C2CD2: variants seen among roughly 807,000 people sequenced by gnomAD.
C2CD2 encodes C2 calcium dependent domain containing 2.
C2CD2 carries 43 observed loss-of-function variants against 74.3 expected under a neutral mutation model. That is an observed-to-expected ratio of 0.58 (90% CI 0.45 to 0.75). The LOEUF is 0.75. Ranked by LOEUF, C2CD2 falls within the 30% of genes least tolerant of loss-of-function variation. The probability of loss-of-function intolerance (pLI) is 0.00; values close to 1 mark genes in which losing one functional copy is unlikely to be tolerated. For missense variants in C2CD2, 801 were observed against 916.3 expected, an observed-to-expected ratio of 0.87 and a Z score of 1.63; for synonymous variants, 422 against 390.7, an observed-to-expected ratio of 1.08 and a Z score of -0.94.
chr21:41,894,890 A>G (rs1409067853), intron 13 of C2CD2: 1 of 456,652 alleles, frequency 2.2e-6, no homozygotes, highest in Non-Finnish European at 4.4e-6. Flanking sequence ...AGACAGGAGC[A>G]CACTCTTGTC....
chr21:41,940,982 TATAATG>T (rs1373632184), intron 2 of C2CD2, among the ~76,000 whole-genome samples: 1 of 151,838 alleles, frequency 6.6e-6, no homozygotes, highest in African/African-American at 2.4e-5. Context: ...GTAAGAAATA[TATAATG>T]ATAATAATAA....
intron 1 of C2CD2, among the ~76,000 whole-genome samples, chr21:41,943,339 C>T (rs537800170): frequency 6.6e-6 from 1 of 152,182 alleles, no homozygotes; most frequent in South Asian, 2.1e-4. Flanking sequence ...ATTAAATGAA[C>T]AGGACCACAA....
At chr21:41,890,622 T>G (rs1334155185) in intron 13 of C2CD2, among the ~76,000 whole-genome samples, 4 of 152,236 alleles carry the variant, frequency 2.6e-5, no homozygotes, top group Non-Finnish European at 5.9e-5. Context: ...GAAGAGGAGC[T>G]TTATACCTAA....
intron 8 of C2CD2, 84 bp from the exon 9 acceptor site, chr21:41,907,868 C>T: frequency 7.0e-7 from 1 of 1,429,662 alleles, no homozygotes; most frequent in Non-Finnish European, 9.8e-7. Context: ...CGCCCAGCAG[C>T]CGGAACACGC....
At chr21:41,901,484 G>T (rs996226362) in intron 12 of C2CD2, 138 bp downstream of exon 12, 1 of 878,030 alleles carries the variant, frequency 1.1e-6, no homozygotes. Context: ...TGTGGGGTGA[G>T]GAACATAATT....
In C2CD2 at chr21:41,918,195, G is replaced by A. The variant is rs375656010; in HGVS notation, c.630C>T (p.Asp210=). ...AATGCTTCAAGATGTCCTTGAGAAC[G>A]TCAGACATCGCACTTGTCTCAGCCA... The part of the protein sequence containing the change: ...DQVAETSAMS[D]VLKDILKHLA... Residue 210 remains aspartate (D), a synonymous_variant, in exon 5 of 14, where the codon GAC becomes GAT. Transcript: ENST00000380486. 3.4e-5 allele frequency: 55 copies of A among 1,613,880 alleles called. No homozygotes were observed. The highest frequency in any genetic ancestry group is 1.2e-4 in the Admixed American group (7 of 60,004).
intron 1 of C2CD2, among the ~76,000 whole-genome samples, chr21:41,948,271 C>T (rs1037828308): frequency 5.9e-5 from 9 of 152,166 alleles, no homozygotes; most frequent in African/African-American, 2.2e-4. Flanking sequence ...AGACCAGGGC[C>T]TGCCCCGAGC....
rs147133895 is a variant in C2CD2, at chr21:41,929,221, G to A, written c.379-7136C>T. On this transcript the variant is annotated intron_variant, in intron 2 of 13. Transcript: ENST00000380486. This position sits in a 1 kb window ranked among gnomAD's most constrained non-coding sequence, Gnocchi z 4.6. ...TGAGGTTCACTCTGGCCTCTGCTGC[G>A]TCAGAGCTCCATACCTTGGCCAAGT... Among the ~76,000 whole-genome samples, 17 of 152,298 alleles carry A rather than the reference G, an allele frequency of 1.1e-4. No individual in the cohort carries two copies. Among genetic ancestry groups the A allele is most frequent in the Admixed American group, 4.6e-4 (7 of 15,302 alleles).
intron 7 of C2CD2, among the ~76,000 whole-genome samples, chr21:41,911,312 T>C (rs183365352): frequency 6.6e-6 from 1 of 152,254 alleles, no homozygotes; most frequent in African/African-American, 2.4e-5. Context: ...TGCTGCTAGA[T>C]TCTGTTTGAT....
At chr21:41,951,236 G>A (rs1296586824) in intron 1 of C2CD2, among the ~76,000 whole-genome samples, 3 of 152,314 alleles carry the variant, frequency 2.0e-5, no homozygotes, top group South Asian at 2.1e-4. Flanking sequence ...GGCTCAGGAT[G>A]CCGGGAGGGT....
In C2CD2 at chr21:41,901,719, A is replaced by G. The variant is rs1444589929; in HGVS notation, c.1463T>C (p.Val488Ala). The change falls in exon 12 of 14, where the codon GTG (valine) becomes GCG (alanine). Residue 488 changes from valine (V) to alanine (A), a missense_variant. By Grantham distance (64) the Val-to-Ala change is moderately conservative. Transcript: ENST00000380486. ...ELLVLNGSDPVAEVAIRQLSE... is the reference protein window; with the variant it reads ...ELLVLNGSDPAAEVAIRQLSE... The stretch of plus-strand genomic sequence containing the variant: ...GAGCTGTCGAATGGCCACTTCAGCC[A>G]CTGGATCCGAACCATTCAACACCAA... 3.7e-6 allele frequency: 6 copies of G among 1,614,034 alleles called. No individual in the cohort carries two copies. Among genetic ancestry groups the G allele is most frequent in the Non-Finnish European group, 5.1e-6 (6 of 1,179,854 alleles).
At chr21:41,935,486 C>G (rs2065299371) in intron 2 of C2CD2, among the ~76,000 whole-genome samples, 1 of 152,180 alleles carries the variant, frequency 6.6e-6, no homozygotes, top group Non-Finnish European at 1.5e-5. Flanking sequence ...AGCCTGAGGT[C>G]TGAACTTGCC....
intron 13 of C2CD2, among the ~76,000 whole-genome samples, 200 bp downstream of exon 13, chr21:41,898,853 C>T (rs1284101576): frequency 6.6e-6 from 1 of 152,224 alleles, no homozygotes; most frequent in Non-Finnish European, 1.5e-5. Flanking sequence ...GACGCCAACC[C>T]TCCCACAGAA....
At chr21:41,901,350 C>G (rs923448284) in intron 12 of C2CD2, 1 of 511,940 alleles carries the variant, frequency 2.0e-6, no homozygotes. Flanking sequence ...TCCTCTCTTT[C>G]GATAATTTTT....
Position 41,914,891 on chromosome 21 carries a change from C to T in C2CD2, c.721-170G>A, listed in dbSNP as rs911229546. ...TGCTCTGAAACAATTTCCCTTCTCA[C>T]ATGAAGGGAGGGAGCCAATGAGCCA... On this transcript the variant is annotated intron_variant, in intron 5 of 13. Coordinates refer to ENST00000380486, the MANE Select transcript of C2CD2 (RefSeq NM_015500.2). 5.9e-5 allele frequency among the ~76,000 whole-genome samples: 9 copies of T among 152,258 alleles called. 1 individual carries two copies. The highest frequency in any genetic ancestry group is 3.9e-4 in the East Asian group (2 of 5,174).
intron 3 of C2CD2, among the ~76,000 whole-genome samples, chr21:41,921,754 A>ATG (rs3833358): frequency 0.26 from 39,877 of 151,752 alleles, 5,334 homozygotes; most frequent in Non-Finnish European, 0.29. Flanking sequence ...TTATAAATGT[A>ATG]TGTGTGTGTG....
intron 5 of C2CD2, among the ~76,000 whole-genome samples, chr21:41,916,213 G>C (rs2065088700): frequency 6.6e-6 from 1 of 152,140 alleles, no homozygotes; most frequent in African/African-American, 2.4e-5. Context: ...AATTGCTGAG[G>C]GTGATGGTTA....
chr21:41,949,578 G>A (rs2065433218), intron 1 of C2CD2, among the ~76,000 whole-genome samples: 1 of 152,218 alleles, frequency 6.6e-6, no homozygotes, highest in South Asian at 2.1e-4. Context: ...GGAAGACAGT[G>A]TGACGATTCC....
intron 1 of C2CD2, among the ~76,000 whole-genome samples, chr21:41,943,710 C>T (rs763329586): frequency 6.6e-6 from 1 of 152,176 alleles, no homozygotes; most frequent in East Asian, 1.9e-4. Context: ...GATGAGGTTA[C>T]GCTGTGGCTA....
Sources: allele counts gnomAD v4.1 joint callset (sites outside exome capture counted in the v4.1 genomes callset), GRCh38; gene constraint gnomAD v4.1.1; non-coding constraint Gnocchi (gnomAD v3.1); transcripts MANE v1.5; gene names NCBI Gene and HGNC (gene_info 2026-07-23, HGNC 2026-07-21).